PDS5A: variants seen among roughly 807,000 people sequenced by gnomAD.
PDS5A encodes the protein sister chromatid cohesion protein PDS5 homolog A.
In PDS5A, 42 loss-of-function variants were observed where a neutral mutation model predicts 167.1. The observed-to-expected ratio is 0.25, with a 90% confidence interval of 0.20 to 0.33. The LOEUF is 0.33. Among genes scored for constraint, PDS5A ranks in the 10% least tolerant of loss-of-function variants. PDS5A has a pLI of 1.00. For synonymous variants in PDS5A, 553 were observed against 554.6 expected, an observed-to-expected ratio of 1.00 and a Z score of 0.04; for missense variants, 1,033 against 1,605.9, an observed-to-expected ratio of 0.64 and a Z score of 6.10.
At chr4:39,899,209 G>A (rs1307289206) in intron 14 of PDS5A, among the ~76,000 whole-genome samples, 4 of 152,100 alleles carry the variant, frequency 2.6e-5, no homozygotes, top group Admixed American at 2.0e-4. Flanking sequence ...AAAATATAGA[G>A]AAGAAACTTT....
intron 23 of PDS5A, among the ~76,000 whole-genome samples, chr4:39,864,583 C>T (rs529517254): frequency 3.3e-5 from 5 of 152,226 alleles, no homozygotes; most frequent in Admixed American, 6.5e-5. Context: ...GAAAGCTAGC[C>T]GGAACCCACT....
At chr4:39,911,757 G>A (rs1373251045) in intron 9 of PDS5A, among the ~76,000 whole-genome samples, 11 of 151,012 alleles carry the variant, frequency 7.3e-5, no homozygotes, top group Admixed American at 5.3e-4. Context: ...GCATGAACCC[G>A]GGAGGCGAAG....
chr4:39,935,363 G>A (rs1171010623), intron 2 of PDS5A, among the ~76,000 whole-genome samples: 3 of 152,232 alleles, frequency 2.0e-5, no homozygotes, highest in East Asian at 1.9e-4. Flanking sequence ...CTCCCAAAGC[G>A]CTGGGATTAT....
At chr4:39,967,348 C>T (rs2679791) in intron 2 of PDS5A, among the ~76,000 whole-genome samples, 19,063 of 150,990 alleles carry the variant, frequency 0.13, 1,375 homozygotes, top group African/African-American at 0.21. Flanking sequence ...TCCATCCCTC[C>T]GTTTAAAAAT....
chr4:39,940,210 C>T (rs1299158854), intron 2 of PDS5A, among the ~76,000 whole-genome samples: 2 of 151,846 alleles, frequency 1.3e-5, no homozygotes, highest in African/African-American at 4.8e-5. Context: ...CAGAGCGAGA[C>T]CCTGTCTGGA....
At chr4:39,880,050 TAAC>T in intron 17 of PDS5A, among the ~76,000 whole-genome samples, 1 of 152,066 alleles carries the variant, frequency 6.6e-6, no homozygotes, top group Non-Finnish European at 1.5e-5. Flanking sequence ...TTCTAAAAAA[TAAC>T]AAAACTAAAA....
At chr4:39,936,811 G>A (rs902002554) in intron 2 of PDS5A, 4 of 152,190 alleles carry the variant, frequency 2.6e-5, no homozygotes, top group African/African-American at 7.2e-5. Flanking sequence ...GAGCCTGCTC[G>A]ATCTTGGATG....
intron 5 of PDS5A, among the ~76,000 whole-genome samples, 182 bp from the exon 6 acceptor site, chr4:39,922,930 T>C (rs1051126758): frequency 1.4e-4 from 22 of 152,224 alleles, no homozygotes; most frequent in Non-Finnish European, 2.1e-4. Context: ...TTTCTCCTTT[T>C]GTTGACTATT....
Position 39,973,202 on chromosome 4 carries a change from T to C in PDS5A, c.138+3238A>G, listed in dbSNP as rs1023653327. On this transcript the variant is annotated intron_variant, in intron 2 of 32. Transcript: ENST00000303538. ...TCTTTAGCTTGGTGGGCTTGTAATATAGCTAGCTTCATGAACCTTAGAACA... is the reference window on the plus strand; with the variant it reads ...TCTTTAGCTTGGTGGGCTTGTAATACAGCTAGCTTCATGAACCTTAGAACA... 24 of 1,261,336 alleles carry C rather than the reference T, an allele frequency of 1.9e-5. No individual in the cohort carries two copies. The African/African-American group carries it at 2.3e-4, about 12-fold the overall frequency. 78.1% of individuals were successfully genotyped at this position (1,261,336 alleles called of 1,614,324 possible). A position where few individuals can be genotyped will look rare whatever the true frequency, so the allele number is the denominator to read the frequency against.
rs1346928018 is a variant in PDS5A, at chr4:39,929,519, C to CTCTATATATATATATA, written c.139-1356_139-1355insTATATATATATATAGA. ...GCCTTGTGAGTTAATACTTAATAAA[C>CTCTATATATATATATA]TATATATATATATATATATATATAT... On this transcript the variant is annotated intron_variant, in intron 2 of 32. Transcript: ENST00000303538. Among the ~76,000 whole-genome samples the CTCTATATATATATATA allele has an allele frequency of 1.3e-3, 106 of 79,398 alleles. 4 individuals are homozygous for CTCTATATATATATATA. The highest frequency in any genetic ancestry group is 7.4e-3 in the African/African-American group (85 of 11,424). The allele number at this position is 79,398 out of a possible 152,430, so 52.1% of individuals were successfully genotyped here. A position where few individuals can be genotyped will look rare whatever the true frequency, so the allele number is the denominator to read the frequency against.
intron 2 of PDS5A, among the ~76,000 whole-genome samples, chr4:39,930,324 C>T (rs1725945260): frequency 7.1e-6 from 1 of 140,160 alleles, no homozygotes; most frequent in African/African-American, 2.7e-5. Flanking sequence ...AACTCCTGGG[C>T]TCAAGCGACC....
At chr4:39,878,510 T>C (rs950552586) in intron 18 of PDS5A, among the ~76,000 whole-genome samples, 17 of 151,806 alleles carry the variant, frequency 1.1e-4, no homozygotes, top group Non-Finnish European at 2.5e-4. Flanking sequence ...GGCAGGAGAA[T>C]GGCGTGAACC....
At chr4:39,889,852 C>A (rs183982398) in intron 17 of PDS5A, among the ~76,000 whole-genome samples, 1 of 152,294 alleles carries the variant, frequency 6.6e-6, no homozygotes, top group East Asian at 1.9e-4. Context: ...TCCAACATAC[C>A]ATTCTGTTCT....
At chr4:39,836,077 G>T (rs1716355300) in intron 32 of PDS5A, among the ~76,000 whole-genome samples, 1 of 152,268 alleles carries the variant, frequency 6.6e-6, no homozygotes, top group Middle Eastern at 3.4e-3. Context: ...TAACAGTTGG[G>T]CGTTTATTTT....
chr4:39,947,522 A>C (rs1727894059), intron 2 of PDS5A, among the ~76,000 whole-genome samples: 1 of 152,220 alleles, frequency 6.6e-6, no homozygotes, highest in Non-Finnish European at 1.5e-5. Context: ...AGTAGTGTCC[A>C]ATCCTTTGGC....
chr4:39,970,781 C>T (rs1351912332), intron 2 of PDS5A, among the ~76,000 whole-genome samples: 6 of 142,892 alleles, frequency 4.2e-5, no homozygotes, highest in Admixed American at 2.2e-4. Flanking sequence ...ACTGTAAAAC[C>T]GCTTGTTCCT....
intron 16 of PDS5A, among the ~76,000 whole-genome samples, chr4:39,892,342 G>A (rs1354794745): frequency 6.6e-6 from 1 of 152,076 alleles, no homozygotes; most frequent in Non-Finnish European, 1.5e-5. Context: ...TATAGAACCA[G>A]GCCTGAATCC....
intron 3 of PDS5A, among the ~76,000 whole-genome samples, chr4:39,927,639 T>G: frequency 6.6e-6 from 1 of 152,318 alleles, no homozygotes; most frequent in South Asian, 2.1e-4. Context: ...GCTATTATTT[T>G]AAAAAGTATC....
At chr4:39,862,510 G>A (rs1719081745) in intron 25 of PDS5A, among the ~76,000 whole-genome samples, 177 bp from the exon 26 acceptor site, 1 of 152,090 alleles carries the variant, frequency 6.6e-6, no homozygotes, top group Admixed American at 6.5e-5. Context: ...TACCTGGTAT[G>A]CAGTTGTATT....
Sources: gnomAD v4.1 joint callset for allele counts (sites outside exome capture counted in the v4.1 genomes callset) on GRCh38, gnomAD v4.1.1 for gene constraint, MANE v1.5 for transcripts, NCBI Gene and HGNC (gene_info 2026-07-23, HGNC 2026-07-21) for gene names.